The following CDC7 variants were observed in gnomAD, a reference collection of about 807,000 sequenced individuals.
CDC7 encodes cell division cycle 7.
A neutral mutation model predicts 53.5 loss-of-function variants in CDC7; 34 were observed. The ratio of observed to expected loss-of-function variants is 0.64; its 90% CI spans 0.48 to 0.85. The LOEUF (loss-of-function observed/expected upper bound fraction) is 0.85, where lower values mean the gene tolerates loss of function less well. Ranked by LOEUF, CDC7 falls within the 40% of genes least tolerant of loss-of-function variation. The pLI is 0.00. For synonymous variants in CDC7, 211 were observed against 222.8 expected (o/e 0.95, Z 0.47); for missense variants, 594 against 679.7 (o/e 0.87, Z 1.40).
rs761191444 is a variant in CDC7 at position 91,508,438 on chromosome 1, T to G, written c.335+41T>G. On this transcript the variant is annotated intron_variant, in intron 4 of 11. Coordinates refer to ENST00000234626, the MANE Select transcript of CDC7 (RefSeq NM_003503.4). ...ATATTTTAATTGAACTTGTATATAA[T>G]TTATAAGATTTTAAAGTAGATATTT... The G allele has an allele frequency of 2.7e-6, 4 of 1,477,340 alleles. No individual in the cohort carries two copies. In the African/African-American group the frequency reaches 5.7e-5, roughly 21 times the overall value. The allele number at this position is 1,477,340 out of a possible 1,614,324, so 91.5% of individuals were successfully genotyped here.
chr1:91,507,835 A>G lies in CDC7; in HGVS notation c.116-19A>G. The G allele has an allele frequency of 2.4e-6, 3 of 1,260,238 alleles. No homozygotes were observed. The highest frequency in any genetic ancestry group is 3.4e-6 in the Non-Finnish European group (3 of 889,632). 78.1% of individuals were successfully genotyped at this position (1,260,238 alleles called of 1,614,324 possible). A position where few individuals can be genotyped will look rare whatever the true frequency, so the allele number is the denominator to read the frequency against. On this transcript the variant is annotated intron_variant, in intron 2 of 11. Transcript: ENST00000234626. ...ATACTGTCATTGATTAAAACTCTAA[A>G]TTTTTGTTTCCTTGAAAGGTGTTAA...
Position 91,513,951 on chromosome 1 carries a change from G to A in CDC7, c.826G>A (p.Gly276Arg). The change falls in exon 8 of 12, where the codon GGA (glycine) becomes AGA (arginine). Residue 276 changes from glycine (G) to arginine (R), a missense_variant. By Grantham distance (125) the Gly-to-Arg change is moderately radical. Transcript: ENST00000234626. ...CTTGTTTTTGTTGGTATTGTAGGAG[G>A]GATCTGTAGGCCTTTCTGTCCAGCG... The part of the protein sequence containing the change: ...QIKQGKDGKE[G>R]SVGLSVQRSV... 1 of 1,606,550 alleles carries A rather than the reference G, an allele frequency of 6.2e-7. No individual in the cohort carries two copies. Among genetic ancestry groups the A allele is most frequent in the South Asian group, 1.1e-5 (1 of 90,972 alleles).
In CDC7 at chr1:91,508,275, T is replaced by C; in HGVS notation, c.213T>C (p.Ser71=). 1 of 1,598,170 alleles carries C rather than the reference T, an allele frequency of 6.3e-7. No homozygotes were observed. The highest frequency in any genetic ancestry group is 8.5e-7 in the Non-Finnish European group (1 of 1,174,900). ...ATTGTTTTACAGGCACTTTCAGCTC[T>C]GTTTATTTGGCCACAGCACAGTTAC... The part of the protein sequence containing the change: ...EDKIGEGTFS[S]VYLATAQLQV... The change falls in exon 4 of 12, where the codon TCT becomes TCC. Residue 71 remains serine (S), a synonymous_variant. Transcript: ENST00000234626.
chr1:91,511,959 A>G (rs1167145869), intron 6 of CDC7, 36 bp downstream of exon 6: 4 of 1,474,900 alleles, frequency 2.7e-6, no homozygotes, highest in East Asian at 4.7e-5. Context: ...TATTTATCCT[A>G]TTTCTTTTAA....
At chr1:91,503,497 T>C (rs934780556) in intron 2 of CDC7, among the ~76,000 whole-genome samples, 2 of 152,206 alleles carry the variant, frequency 1.3e-5, no homozygotes, top group African/African-American at 4.8e-5. Context: ...TATTTTTGAT[T>C]GGATGTTTTA....
chr1:91,525,242 C>G lies in CDC7; in HGVS notation c.*807C>G, dbSNP rs1218305983. 1 of 152,056 alleles carries G rather than the reference C, an allele frequency of 6.6e-6. No individual in the cohort carries two copies. Among genetic ancestry groups the G allele is most frequent in the Non-Finnish European group, 1.5e-5 (1 of 67,954 alleles). The allele number at this position is 152,056 out of a possible 1,614,324, so 9.4% of individuals were successfully genotyped here. ...CAGGACCAAGGTGAAGATTGATAGT[C>G]CAAATGCTTTTCTTTTTTGAGTTGT... On this transcript the variant is annotated 3_prime_UTR_variant, in exon 12 of 12. Transcript: ENST00000234626.
Position 91,500,866 on chromosome 1 carries a change from C to T in CDC7, c.-146C>T, listed in dbSNP as rs1376865907. Reference sequence around the variant, plus strand: ...GGCGGGAAGTGTTGCGCAGGCGCATCCGATCGACTCGGTAGGTGGGGATCT... The same window carrying T: ...GGCGGGAAGTGTTGCGCAGGCGCATTCGATCGACTCGGTAGGTGGGGATCT... On this transcript the variant is annotated 5_prime_UTR_variant, in exon 1 of 12. Transcript: ENST00000234626. 6.6e-6 allele frequency: 1 copy of T among 152,306 alleles called. No individual in the cohort carries two copies. Among genetic ancestry groups the T allele is most frequent in the Admixed American group, 6.5e-5 (1 of 15,290 alleles). 9.4% of individuals were successfully genotyped at this position (152,306 alleles called of 1,614,324 possible).
At chr1:91,515,596 G>C (rs477003) in intron 9 of CDC7, 198 bp from the exon 10 acceptor site, 8,492 of 199,758 alleles carry the variant, frequency 0.043, 768 homozygotes, top group African/African-American at 0.18. Context: ...TAAGTCCGGG[G>C]AACTAGTAGA....
intron 8 of CDC7, among the ~76,000 whole-genome samples, 185 bp downstream of exon 8, chr1:91,514,228 C>G (rs1286286363): frequency 6.6e-6 from 1 of 152,042 alleles, no homozygotes; most frequent in East Asian, 1.9e-4. Flanking sequence ...CTGAACTTTT[C>G]TGGTGGAATT....
In CDC7 at chr1:91,501,668, C is replaced by A; in HGVS notation, c.-49C>A. 1 of 1,320,052 alleles carries A rather than the reference C, an allele frequency of 7.6e-7. No individual in the cohort carries two copies. Among genetic ancestry groups the A allele is most frequent in the Non-Finnish European group, 1.1e-6 (1 of 916,256 alleles). 81.8% of individuals were successfully genotyped at this position (1,320,052 alleles called of 1,614,324 possible). A position where few individuals can be genotyped will look rare whatever the true frequency, so the allele number is the denominator to read the frequency against. On this transcript the variant is annotated 5_prime_UTR_variant, in exon 2 of 12. The change creates a new upstream start codon in the 5' untranslated region. Coordinates refer to ENST00000234626, the MANE Select transcript of CDC7 (RefSeq NM_003503.4). ...AATTTTCACAGCTGCTTTGCTCCCCCTGTGGATGTAACCCCTTAGCTGGCA... is the reference window on the plus strand; with the variant it reads ...AATTTTCACAGCTGCTTTGCTCCCCATGTGGATGTAACCCCTTAGCTGGCA...
chr1:91,515,982 T>A (rs1667539349), intron 10 of CDC7, 106 bp downstream of exon 10: 6 of 916,042 alleles, frequency 6.5e-6, no homozygotes, highest in Middle Eastern at 2.3e-4. Context: ...TTCTTCTGCT[T>A]TTAATTATGT....
chr1:91,509,716 C>G (rs1443335329), intron 4 of CDC7, among the ~76,000 whole-genome samples: 1 of 152,102 alleles, frequency 6.6e-6, no homozygotes, highest in Non-Finnish European at 1.5e-5. Context: ...GTCATTAGTT[C>G]CACCACTTAA....
intron 6 of CDC7, among the ~76,000 whole-genome samples, chr1:91,512,429 G>A (rs1043090612): frequency 2.0e-5 from 3 of 152,024 alleles, no homozygotes; most frequent in African/African-American, 7.2e-5. Context: ...CCTTAGACAT[G>A]TCTCTTATCT....
At chr1:91,517,440 C>T (rs1007656764) in intron 10 of CDC7, among the ~76,000 whole-genome samples, 1 of 152,092 alleles carries the variant, frequency 6.6e-6, no homozygotes, top group Non-Finnish European at 1.5e-5. Flanking sequence ...GGATGTTTAC[C>T]AGATTCCTAG....
At chr1:91,515,712 T>C (rs1667523673) in intron 9 of CDC7, 82 bp from the exon 10 acceptor site, 1 of 1,533,646 alleles carries the variant, frequency 6.5e-7, no homozygotes, top group Non-Finnish European at 8.8e-7. Flanking sequence ...AAATTTACTG[T>C]GAACTAAATT....
chr1:91,515,548 C>T (rs1159182495), intron 9 of CDC7, among the ~76,000 whole-genome samples: 2 of 152,176 alleles, frequency 1.3e-5, no homozygotes, highest in African/African-American at 4.8e-5. Context: ...TCCACTACTG[C>T]TTTTTATTCT....
Position 91,514,061 on chromosome 1 carries a change from A to AT in CDC7, c.918+19dup. The AT allele has an allele frequency of 1.4e-6, 2 of 1,466,766 alleles. No homozygotes were observed. Among genetic ancestry groups the AT allele is most frequent in the Non-Finnish European group, 1.9e-6 (2 of 1,046,804 alleles). 90.9% of individuals were successfully genotyped at this position (1,466,766 alleles called of 1,614,324 possible). ...CAGTGAAAGTAAGTAATGTAGCTTAATAGCATAATGGTCAGTCAGTCATAC... is the reference window on the plus strand; with the variant it reads ...CAGTGAAAGTAAGTAATGTAGCTTAATTAGCATAATGGTCAGTCAGTCATAC... On this transcript the variant is annotated intron_variant, in intron 8 of 11. Transcript: ENST00000234626.
chr1:91,507,892 C>T lies in CDC7; in HGVS notation c.154C>T (p.Pro52Ser). Residue 52 changes from proline to serine, a missense_variant, in exon 3 of 12, where the codon CCA becomes TCA. Coordinates refer to ENST00000234626, the MANE Select transcript of CDC7 (RefSeq NM_003503.4). Reference sequence around the variant, plus strand: ...TATTGAGAAGCTTTATGAAGCTGTACCACAGCTTAGTAATGTGTTTAAGAT... The same window carrying T: ...TATTGAGAAGCTTTATGAAGCTGTATCACAGCTTAGTAATGTGTTTAAGAT... ...KDIEKLYEAV[P>S]QLSNVFKIED... 6 of 1,470,774 alleles carry T rather than the reference C, an allele frequency of 4.1e-6. No homozygotes were observed. Among genetic ancestry groups the T allele is most frequent in the Non-Finnish European group, 5.6e-6 (6 of 1,067,212 alleles). The allele number at this position is 1,470,774 out of a possible 1,614,324, so 91.1% of individuals were successfully genotyped here.
At chr1:91,523,786 C>T (rs1668114271) in intron 11 of CDC7, among the ~76,000 whole-genome samples, 3 of 152,116 alleles carry the variant, frequency 2.0e-5, no homozygotes, top group Admixed American at 2.0e-4. Context: ...AAGTGAGTGC[C>T]TGGCATAGCT....
Sources: gnomAD v4.1 joint callset for allele counts (sites outside exome capture counted in the v4.1 genomes callset) on GRCh38, gnomAD v4.1.1 for gene constraint, MANE v1.5 for transcripts, NCBI Gene and HGNC (gene_info 2026-07-23, HGNC 2026-07-21) for gene names.